The following ATG7 variants were observed in gnomAD, a reference collection of about 807,000 sequenced individuals.
ATG7 encodes autophagy related 7.
A neutral mutation model predicts 82.4 loss-of-function variants in ATG7; 70 were observed. The ratio of observed to expected loss-of-function variants is 0.85; its 90% CI spans 0.70 to 1.04. The LOEUF is 1.04. Ranked by LOEUF, ATG7 falls within the 50% of genes least tolerant of loss-of-function variation. The probability of loss-of-function intolerance (pLI) is 0.00; values close to 1 mark genes in which losing one functional copy is unlikely to be tolerated. For synonymous variants in ATG7, 287 were observed against 313.0 expected (o/e 0.92, Z 0.88); for missense variants, 792 against 864.3 (o/e 0.92, Z 1.05).
At chr3:11,535,689 AG>A (rs542963429) in intron 20 of ATG7, among the ~76,000 whole-genome samples, 395 of 152,204 alleles carry the variant, frequency 2.6e-3, no homozygotes, top group African/African-American at 9.0e-3. Flanking sequence ...CTTTTCAACC[AG>A]GCTCCTTGGT....
chr3:11,439,538 G>A (rs904545017), intron 20 of ATG7, among the ~76,000 whole-genome samples: 1 of 152,204 alleles, frequency 6.6e-6, no homozygotes, highest in Non-Finnish European at 1.5e-5. Flanking sequence ...AGTTCATGGT[G>A]TGGGAGTCAA....
At chr3:11,435,317 C>T (rs1321446103) in intron 20 of ATG7, among the ~76,000 whole-genome samples, 1 of 152,086 alleles carries the variant, frequency 6.6e-6, no homozygotes, top group Non-Finnish European at 1.5e-5. Context: ...TGGTGTAATT[C>T]AGCCTAATAA....
the ATG7 span, among the ~76,000 whole-genome samples, chr3:11,569,858 GT>G: frequency 8.9e-4 from 136 of 152,302 alleles, 1 homozygote; most frequent in South Asian, 0.021. Context: ...TTTAGCCTGG[GT>G]GACAGAGCAA....
intron 20 of ATG7, chr3:11,510,418 C>A: frequency 5.2e-6 from 2 of 386,732 alleles, no homozygotes; most frequent in Non-Finnish European, 1.0e-5. Flanking sequence ...TGCTACTGAA[C>A]CAAAGGGCCT....
chr3:11,358,559 G>A lies in ATG7; in HGVS notation c.1426G>A (p.Asp476Asn), dbSNP rs1490373112. The A allele has an allele frequency of 1.1e-5, 17 of 1,613,890 alleles. No individual in the cohort carries two copies. Among genetic ancestry groups the A allele is most frequent in the Non-Finnish European group, 1.4e-5 (17 of 1,179,998 alleles). Residue 476 changes from aspartate (D) to asparagine (N), a missense_variant, in exon 15 of 21, where the codon GAC (aspartate) becomes AAC (asparagine). Transcript: ENST00000693202. ...ESHDVVFLLM[D>N]TRESRWLPAV... ...CCATGATGTCGTCTTCCTATTGATG[G>A]ACACCAGGGAGAGCCGGTGGCTTCC... is the stretch of plus-strand genomic sequence containing the variant.
At chr3:11,469,987 T>TTAAAA (rs2087275545) in intron 20 of ATG7, among the ~76,000 whole-genome samples, 1 of 10,928 alleles carries the variant, frequency 9.2e-5, no homozygotes, top group African/African-American at 5.0e-4. Flanking sequence ...AGACTCCATC[T>TTAAAA]CAAAAAAAAA....
chr3:11,408,538 A>G (rs945927898), intron 19 of ATG7, among the ~76,000 whole-genome samples: 5 of 152,248 alleles, frequency 3.3e-5, no homozygotes, highest in African/African-American at 1.2e-4. Flanking sequence ...TGATAAAGAC[A>G]TACCCGAGAC....
intron 20 of ATG7, among the ~76,000 whole-genome samples, chr3:11,437,804 G>T (rs1372213422): frequency 6.6e-6 from 1 of 152,050 alleles, no homozygotes; most frequent in Non-Finnish European, 1.5e-5. Flanking sequence ...ATATACAGCG[G>T]CACCTCACCC....
chr3:11,310,663 C>T (rs1403636604), intron 7 of ATG7, among the ~76,000 whole-genome samples: 1 of 148,886 alleles, frequency 6.7e-6, no homozygotes, highest in Non-Finnish European at 1.5e-5. Flanking sequence ...GACGGAGTCT[C>T]GCTCTGTCAC....
intron 20 of ATG7, among the ~76,000 whole-genome samples, chr3:11,449,379 C>G (rs2084886800): frequency 6.6e-6 from 1 of 152,066 alleles, no homozygotes; most frequent in Non-Finnish European, 1.5e-5. Flanking sequence ...CTTAAACCAA[C>G]AACAACAAAA....
intron 8 of ATG7, among the ~76,000 whole-genome samples, chr3:11,313,643 C>T (rs554379781): frequency 6.6e-6 from 1 of 152,310 alleles, no homozygotes; most frequent in East Asian, 1.9e-4. Flanking sequence ...ACCCCCATTA[C>T]GCAGGCTGGA....
intron 9 of ATG7, among the ~76,000 whole-genome samples, chr3:11,326,738 G>C (rs555852226): frequency 6.6e-6 from 1 of 152,240 alleles, no homozygotes; most frequent in Non-Finnish European, 1.5e-5. Flanking sequence ...TGATGGAAGA[G>C]TAGCAGGTGG....
intron 20 of ATG7, among the ~76,000 whole-genome samples, chr3:11,492,313 G>C (rs1188008591): frequency 2.0e-5 from 3 of 152,214 alleles, no homozygotes; most frequent in African/African-American, 7.2e-5. Context: ...GCCTCGCCCT[G>C]CTTCGGCTCG....
chr3:11,509,864 CA>C (rs1318920632), intron 20 of ATG7, among the ~76,000 whole-genome samples: 2 of 152,168 alleles, frequency 1.3e-5, no homozygotes, highest in Non-Finnish European at 2.9e-5. Flanking sequence ...ATCAGGCAGC[CA>C]GCGCTCCATA....
chr3:11,561,642 C>T (rs1321812335), downstream of ATG7, among the ~76,000 whole-genome samples: 2 of 152,094 alleles, frequency 1.3e-5, no homozygotes, highest in South Asian at 2.1e-4. Flanking sequence ...AGATGGTGAG[C>T]GTTTATGGGA....
intron 20 of ATG7, among the ~76,000 whole-genome samples, chr3:11,471,783 A>G (rs1288121952): frequency 8.6e-6 from 1 of 116,514 alleles, no homozygotes; most frequent in Non-Finnish European, 1.6e-5. Context: ...TCTATCGCCC[A>G]GGCTGGAGTG....
the ATG7 span, among the ~76,000 whole-genome samples, chr3:11,564,151 C>G: frequency 1.3e-5 from 2 of 152,220 alleles, no homozygotes; most frequent in Non-Finnish European, 2.9e-5. Context: ...AATGCTGCTG[C>G]CTTCTCCCAT....
At chr3:11,493,839 T>C (rs1311300604) in intron 20 of ATG7, among the ~76,000 whole-genome samples, 1 of 152,192 alleles carries the variant, frequency 6.6e-6, no homozygotes, top group Non-Finnish European at 1.5e-5. Context: ...CAAGTTAAAC[T>C]TCTAGAAGTT....
chr3:11,286,337 G>A (rs987718144), intron 3 of ATG7, among the ~76,000 whole-genome samples: 1 of 152,098 alleles, frequency 6.6e-6, no homozygotes, highest in African/African-American at 2.4e-5. Context: ...TTTCCTGCCC[G>A]CTAAGGTCTT....
Sources: gnomAD v4.1 joint callset for allele counts (sites outside exome capture counted in the v4.1 genomes callset) on GRCh38, gnomAD v4.1.1 for gene constraint, MANE v1.5 for transcripts, NCBI Gene and HGNC (gene_info 2026-07-23, HGNC 2026-07-21) for gene names.